The following DIPK1C variants were observed in gnomAD, a reference collection of about 807,000 sequenced individuals.
DIPK1C encodes divergent protein kinase domain 1C.
Under a neutral mutation model 28.0 loss-of-function variants are expected in DIPK1C, and 33 were observed. The ratio of observed to expected loss-of-function variants is 1.18; its 90% CI spans 0.89 to 1.58. The LOEUF (loss-of-function observed/expected upper bound fraction) is 1.58, where lower values mean the gene tolerates loss of function less well. Among genes scored for constraint, DIPK1C ranks in the 40% most tolerant of loss-of-function variants. DIPK1C has a pLI of 0.00. For missense variants in DIPK1C, 569 were observed against 568.5 expected (o/e 1.00, Z -0.01); for synonymous variants, 255 against 248.8 (o/e 1.02, Z -0.23).
At position 74,436,676 on chromosome 18, in the gene DIPK1C, AGAGG is replaced by A; in HGVS notation, c.1081_1084del (p.Pro361SerfsTer50). On this transcript the variant is annotated frameshift_variant, in exon 4 of 4. Coordinates refer to ENST00000343998, the MANE Select transcript of DIPK1C (RefSeq NM_001044369.3). LOFTEE classifies it low-confidence loss of function (END_TRUNC). ...CTGGAAAGAGACCGCAGAGCTCTTG[AGAGG>A]CGCGGAAAACCAATGGCGAAATATT... 1.2e-6 allele frequency: 2 copies of A among 1,613,962 alleles called. No homozygotes were observed. The highest frequency in any genetic ancestry group is 1.7e-6 in the Non-Finnish European group (2 of 1,179,988).
chr18:74,443,484 G>A (rs552850132), intron 2 of DIPK1C, among the ~76,000 whole-genome samples: 1 of 152,244 alleles, frequency 6.6e-6, no homozygotes, highest in African/African-American at 2.4e-5. Context: ...ACGCAGTCTG[G>A]GAGGCACCTT....
rs549137432 is a variant in DIPK1C, at chr18:74,436,427, C to T, written c.*74G>A. ...AGAGAGCACAGGGGAAATGGCTCAT[C>T]TTTAAAACAATGGCAGAAGAAATCC... On this transcript the variant is annotated 3_prime_UTR_variant, in exon 4 of 4. Transcript: ENST00000343998. 10 of 1,423,518 alleles carry T rather than the reference C, an allele frequency of 7.0e-6. No individual in the cohort carries two copies. The East Asian group carries it at 2.2e-4, about 32-fold the overall frequency. 88.2% of individuals were successfully genotyped at this position (1,423,518 alleles called of 1,614,324 possible). A position where few individuals can be genotyped will look rare whatever the true frequency, so the allele number is the denominator to read the frequency against.
upstream of DIPK1C, among the ~76,000 whole-genome samples, chr18:74,462,736 G>A (rs1052382099): frequency 2.0e-5 from 3 of 151,184 alleles, no homozygotes; most frequent in East Asian, 1.9e-4. Flanking sequence ...TATCAGCCAC[G>A]TCTAAGGATT....
intron 1 of DIPK1C, among the ~76,000 whole-genome samples, chr18:74,452,815 A>G (rs964015959): frequency 2.6e-5 from 4 of 152,130 alleles, no homozygotes; most frequent in East Asian, 1.9e-4. Flanking sequence ...TTTTAACTCA[A>G]TAGAAGTTGT....
At chr18:74,437,864 C>A (rs1986033700) in intron 3 of DIPK1C, among the ~76,000 whole-genome samples, 1 of 152,158 alleles carries the variant, frequency 6.6e-6, no homozygotes, top group Admixed American at 6.5e-5. Context: ...TTTCCACCCC[C>A]ATTTATATGA....
Position 74,441,772 on chromosome 18 carries a change from G to T in DIPK1C, c.1041+180C>A, listed in dbSNP as rs148007065. Among the ~76,000 whole-genome samples, 63 of 152,226 alleles carry T rather than the reference G, an allele frequency of 4.1e-4. 1 individual carries two copies. Among genetic ancestry groups the T allele is most frequent in the African/African-American group, 1.5e-3 (61 of 41,528 alleles). On this transcript the variant is annotated intron_variant, in intron 3 of 3. Transcript: ENST00000343998. Reference sequence around the variant, plus strand: ...GGTCGCCTGACCAACAACCCTGGGGGCAGGCAACCAAGAGCACGATTGTCC... The same window carrying T: ...GGTCGCCTGACCAACAACCCTGGGGTCAGGCAACCAAGAGCACGATTGTCC...
intron 2 of DIPK1C, 35 bp from the exon 3 acceptor site, chr18:74,442,151 T>C: frequency 6.2e-7 from 1 of 1,611,536 alleles, no homozygotes; most frequent in Non-Finnish European, 8.5e-7. Context: ...ATCAAAGGGC[T>C]ACTGGTGGGC....
At chr18:74,454,749 GT>G (rs1174924113) in intron 1 of DIPK1C, among the ~76,000 whole-genome samples, 1 of 152,222 alleles carries the variant, frequency 6.6e-6, no homozygotes, top group Non-Finnish European at 1.5e-5. Context: ...GCCCAGCAGA[GT>G]TGGGATTGTG....
chr18:74,463,905 C>T, the DIPK1C span, among the ~76,000 whole-genome samples: 3 of 152,196 alleles, frequency 2.0e-5, no homozygotes, highest in Non-Finnish European at 4.4e-5. Context: ...GAAGAAGGCT[C>T]TTTACTCTTT....
At position 74,436,715 on chromosome 18, in the gene DIPK1C, A is replaced by G; in HGVS notation, c.1046T>C (p.Ile349Thr). Residue 349 changes from isoleucine (I) to threonine (T), a missense_variant, in exon 4 of 4, where the codon ATC becomes ACC. By Grantham distance (89) the Ile-to-Thr change is moderately conservative. Coordinates refer to ENST00000343998, the MANE Select transcript of DIPK1C (RefSeq NM_001044369.3). Reference protein sequence around the residue: ...AQRVNNNLQVICDKIFRHWFS... With the variant: ...AQRVNNNLQVTCDKIFRHWFS... The stretch of plus-strand genomic sequence containing the variant: ...CCAATGGCGAAATATTTTGTCACAG[A>G]TGACCTGAGGGAAAGAAGGGTGGAC... 1 of 1,611,382 alleles carries G rather than the reference A, an allele frequency of 6.2e-7. No individual in the cohort carries two copies. Among genetic ancestry groups the G allele is most frequent in the Non-Finnish European group, 8.5e-7 (1 of 1,178,660 alleles).
chr18:74,447,063 T>C lies in DIPK1C; in HGVS notation c.419A>G (p.Gln140Arg). 1 of 1,550,288 alleles carries C rather than the reference T, an allele frequency of 6.5e-7. No homozygotes were observed. Among genetic ancestry groups the C allele is most frequent in the Non-Finnish European group, 8.7e-7 (1 of 1,146,866 alleles). ...GAGGAGTTCGGCCTCGGGCATGTCC[T>C]GGCCACCCTCCCCTGCCTCCTCTTC... Reference protein sequence around the residue: ...LLEEEAGEGGQDMPEAELLLM... With the variant: ...LLEEEAGEGGRDMPEAELLLM... The change falls in exon 2 of 4, where the codon CAG becomes CGG. Residue 140 changes from glutamine to arginine, a missense_variant. Coordinates refer to ENST00000343998, the MANE Select transcript of DIPK1C (RefSeq NM_001044369.3). This position sits in a 1 kb window ranked among gnomAD's most constrained non-coding sequence, Gnocchi z 4.1.
chr18:74,449,469 A>G (rs908284279), intron 1 of DIPK1C, among the ~76,000 whole-genome samples: 3 of 152,206 alleles, frequency 2.0e-5, no homozygotes, highest in African/African-American at 7.2e-5. Flanking sequence ...TGCTTAAAAG[A>G]GGTATCTAGA....
rs189769538 is a variant in DIPK1C, at chr18:74,446,370, G to A, written c.876+236C>T. Among the ~76,000 whole-genome samples, 3 of 152,342 alleles carry A rather than the reference G, an allele frequency of 2.0e-5. No homozygotes were observed. The East Asian group carries it at 5.8e-4, about 29-fold the overall frequency. ...GCAGCCCTCTGGGAGGACGAAGCTG[G>A]CCCGGCCTCTGCCTCCCACTGTGGG... On this transcript the variant is annotated intron_variant, in intron 2 of 3. Transcript: ENST00000343998.
At position 74,447,385 on chromosome 18, in the gene DIPK1C, C is replaced by A; in HGVS notation, c.199-102G>T. ...GACAGCCTAGCCTCTGCCCTCAGGA[C>A]GCTGATAATCCAGCTGTGCAGAGAA... On this transcript the variant is annotated intron_variant, in intron 1 of 3. Coordinates refer to ENST00000343998, the MANE Select transcript of DIPK1C (RefSeq NM_001044369.3). This position sits in a 1 kb window ranked among gnomAD's most constrained non-coding sequence, Gnocchi z 4.1. 8.5e-7 allele frequency: 1 copy of A among 1,171,868 alleles called. No homozygotes were observed. 72.6% of individuals were successfully genotyped at this position (1,171,868 alleles called of 1,614,324 possible).
intron 2 of DIPK1C, among the ~76,000 whole-genome samples, chr18:74,442,495 A>ATTT: frequency 6.6e-6 from 1 of 151,348 alleles, no homozygotes. Flanking sequence ...CACCCGGCTA[A>ATTT]TTTTTTTGTA....
Position 74,450,132 on chromosome 18 carries a change from T to G in DIPK1C, c.199-2849A>C, listed in dbSNP as rs1249073210. Among the ~76,000 whole-genome samples, 4 of 152,124 alleles carry G rather than the reference T, an allele frequency of 2.6e-5. No homozygotes were observed. In the East Asian group the frequency reaches 5.8e-4, roughly 22 times the overall value. On this transcript the variant is annotated intron_variant, in intron 1 of 3. Transcript: ENST00000343998. ...GGCAGGAACAGTAAGGGCTGTTCAT[T>G]TTACTTGTTGGGGTTTGTCCCCTAC...
chr18:74,453,088 C>A (rs530448278), intron 1 of DIPK1C, among the ~76,000 whole-genome samples: 7 of 152,284 alleles, frequency 4.6e-5, no homozygotes, highest in African/African-American at 1.7e-4. Flanking sequence ...CATTGATGCA[C>A]ATTCCCATCA....
chr18:74,443,774 G>T (rs1202685674), intron 2 of DIPK1C, among the ~76,000 whole-genome samples: 1 of 151,960 alleles, frequency 6.6e-6, no homozygotes, highest in African/African-American at 2.4e-5. Context: ...AGTGAATAAG[G>T]ACTATGCTAA....
At position 74,436,722 on chromosome 18, in the gene DIPK1C, G is replaced by A; in HGVS notation, c.1042-3C>T. 3.1e-6 allele frequency: 5 copies of A among 1,608,742 alleles called. No homozygotes were observed. The highest frequency in any genetic ancestry group is 2.2e-5 in the South Asian group (2 of 90,076). ...CGAAATATTTTGTCACAGATGACCT[G>A]AGGGAAAGAAGGGTGGACAGTTAAT... On this transcript the variant is annotated splice_region_variant and splice_polypyrimidine_tract_variant and intron_variant, in intron 3 of 3. Coordinates refer to ENST00000343998, the MANE Select transcript of DIPK1C (RefSeq NM_001044369.3).
Sources: allele counts gnomAD v4.1 joint callset (sites outside exome capture counted in the v4.1 genomes callset), GRCh38; gene constraint gnomAD v4.1.1; non-coding constraint Gnocchi (gnomAD v3.1); transcripts MANE v1.5; gene names NCBI Gene and HGNC (gene_info 2026-07-23, HGNC 2026-07-21).